The following RNU11 variants were observed in gnomAD, a reference collection of about 807,000 sequenced individuals.
The protein encoded by RNU11 is RNA, U11 small nuclear.
Position 28,648,722 on chromosome 1 carries a change from C to G in RNU11, n.123C>G, listed in dbSNP as rs181924966. ...ATTTGGGCAGCTGGTGATCGTTGGT[C>G]CCGGCGCCCTTTCTTTACTGTTATA... On this transcript the variant is annotated non_coding_transcript_exon_variant, in exon 1 of 1. Coordinates refer to ENST00000387069, the Ensembl canonical transcript of RNU11. The G allele has an allele frequency of 2.6e-5, 4 of 153,476 alleles. No homozygotes were observed. The South Asian group carries it at 8.3e-4, about 32-fold the overall frequency. 9.5% of individuals were successfully genotyped at this position (153,476 alleles called of 1,614,324 possible). A position where few individuals can be genotyped will look rare whatever the true frequency, so the allele number is the denominator to read the frequency against.
In RNU11 at chr1:28,648,678, G is replaced by A. The variant is rs369528160; in HGVS notation, n.79G>A. 8.8e-4 allele frequency: 135 copies of A among 154,174 alleles called. 1 individual carries two copies. The highest frequency in any genetic ancestry group is 1.7e-3 in the South Asian group (8 of 4,824). The allele number at this position is 154,174 out of a possible 1,614,324, so 9.6% of individuals were successfully genotyped here. On this transcript the variant is annotated non_coding_transcript_exon_variant, in exon 1 of 1. Transcript: ENST00000387069. ...TGCGGAATCGACATCAAGAGATTTC[G>A]GAAGCATAATTTTTTGGTATTTGGG... is the stretch of plus-strand genomic sequence containing the variant.
At chr1:28,648,733 T>C (rs553056681) in exon 1 of RNU11, 5 of 153,834 alleles carry the variant, frequency 3.3e-5, no homozygotes, top group Middle Eastern at 3.4e-3. Context: ...CCGGCGCCCT[T>C]TCTTTACTGT....
chr1:28,648,612 T>TC, exon 1 of RNU11: 1 of 164,606 alleles, frequency 6.1e-6, no homozygotes, highest in Non-Finnish European at 1.3e-5. Flanking sequence ...AAAGGGCTTC[T>TC]GTCGTGAGTG....
exon 1 of RNU11, chr1:28,648,613 G>A (rs140290417): frequency 2.8e-4 from 46 of 163,630 alleles, no homozygotes; most frequent in Non-Finnish European, 4.8e-4. Context: ...AAGGGCTTCT[G>A]TCGTGAGTGG....
At chr1:28,648,730 C>CCTTTCTTTACTGTTATAT (rs1668287393) in exon 1 of RNU11, 1 of 153,294 alleles carries the variant, frequency 6.5e-6, no homozygotes, top group African/African-American at 2.4e-5. Context: ...GTCCCGGCGC[C>CCTTTCTTTACTGTTATAT]CTTTCTTTAC....
chr1:28,648,614 T>G (rs765720845), exon 1 of RNU11: 8 of 163,640 alleles, frequency 4.9e-5, no homozygotes, highest in East Asian at 1.9e-4. Flanking sequence ...AGGGCTTCTG[T>G]CGTGAGTGGC....
exon 1 of RNU11, chr1:28,648,723 C>CA (rs1557481825): frequency 6.5e-6 from 1 of 153,476 alleles, no homozygotes; most frequent in Non-Finnish European, 1.5e-5. Flanking sequence ...ATCGTTGGTC[C>CA]CGGCGCCCTT....
At chr1:28,648,648 C>T (rs368308477) in exon 1 of RNU11, 53 of 155,070 alleles carry the variant, frequency 3.4e-4, no homozygotes, top group South Asian at 8.2e-4. Context: ...CTCGATTGCT[C>T]TGCGTGCGGA....
At chr1:28,648,672 G>C (rs758364535) in exon 1 of RNU11, 1 of 154,128 alleles carries the variant, frequency 6.5e-6, no homozygotes, top group South Asian at 2.1e-4. Flanking sequence ...GACATCAAGA[G>C]ATTTCGGAAG....
At chr1:28,648,719 G>C (rs188784610) in exon 1 of RNU11, 2 of 153,566 alleles carry the variant, frequency 1.3e-5, no homozygotes, top group African/African-American at 2.4e-5. Context: ...GGTGATCGTT[G>C]GTCCCGGCGC....
exon 1 of RNU11, chr1:28,648,638 C>G (rs35910435): frequency 1.9e-4 from 30 of 155,618 alleles, no homozygotes; most frequent in Non-Finnish European, 3.2e-4. Flanking sequence ...CGTAGGGCAA[C>G]TCGATTGCTC....
exon 1 of RNU11, chr1:28,648,623 G>A (rs374036568): frequency 1.3e-4 from 21 of 158,496 alleles, no homozygotes; most frequent in South Asian, 2.0e-4. Flanking sequence ...GTCGTGAGTG[G>A]CACACGTAGG....
exon 1 of RNU11, chr1:28,648,658 A>T (rs1401626536): frequency 6.5e-6 from 1 of 154,410 alleles, no homozygotes; most frequent in Non-Finnish European, 1.5e-5. Context: ...CTGCGTGCGG[A>T]ATCGACATCA....
chr1:28,648,679 G>C (rs373444128), exon 1 of RNU11: 15 of 154,218 alleles, frequency 9.7e-5, no homozygotes, highest in African/African-American at 2.4e-4. Context: ...AGAGATTTCG[G>C]AAGCATAATT....
rs192651029 is a variant in RNU11 at position 28,648,615 on chromosome 1, C to T, written n.16C>T. On this transcript the variant is annotated non_coding_transcript_exon_variant, in exon 1 of 1. Transcript: ENST00000387069. ...CAGAGAAAGCAAAAAGGGCTTCTGTCGTGAGTGGCACACGTAGGGCAACTC... is the reference window on the plus strand; with the variant it reads ...CAGAGAAAGCAAAAAGGGCTTCTGTTGTGAGTGGCACACGTAGGGCAACTC... The T allele has an allele frequency of 5.7e-4, 93 of 162,306 alleles. 1 individual carries two copies. The South Asian group carries it at 8.3e-3, about 15-fold the overall frequency. The allele number at this position is 162,306 out of a possible 1,614,324, so 10.1% of individuals were successfully genotyped here.
chr1:28,648,705 A>T (rs1022501295), exon 1 of RNU11: 1 of 153,802 alleles, frequency 6.5e-6, no homozygotes, highest in Admixed American at 6.5e-5. Flanking sequence ...GTATTTGGGC[A>T]GCTGGTGATC....
At chr1:28,648,706 G>A (rs969071805) in exon 1 of RNU11, 1 of 153,782 alleles carries the variant, frequency 6.5e-6, no homozygotes, top group Non-Finnish European at 1.5e-5. Flanking sequence ...TATTTGGGCA[G>A]CTGGTGATCG....
chr1:28,648,733 T>G (rs553056681), exon 1 of RNU11: 1 of 153,718 alleles, frequency 6.5e-6, no homozygotes, highest in Non-Finnish European at 1.5e-5. Flanking sequence ...CCGGCGCCCT[T>G]TCTTTACTGT....
chr1:28,648,654 G>A (rs542739863), exon 1 of RNU11: 3 of 154,664 alleles, frequency 1.9e-5, no homozygotes, highest in Non-Finnish European at 2.9e-5. Flanking sequence ...TGCTCTGCGT[G>A]CGGAATCGAC....
Sources: allele counts gnomAD v4.1 joint callset, GRCh38; gene constraint gnomAD v4.1.1; transcripts MANE v1.5; gene names NCBI Gene and HGNC (gene_info 2026-07-23, HGNC 2026-07-21).